The following WAC variants were observed in gnomAD, a reference collection of about 807,000 sequenced individuals.
WAC encodes WW domain containing adaptor with coiled-coil, also known as WW domain-containing adapter protein with coiled-coil.
A neutral mutation model predicts 79.6 loss-of-function variants in WAC; 11 were observed. That is an observed-to-expected ratio of 0.14 (90% CI 0.09 to 0.23). WAC has a LOEUF of 0.23. Ranked by LOEUF, WAC falls within the 10% of genes least tolerant of loss-of-function variation. The pLI is 1.00. For missense variants in WAC, 728 were observed against 773.5 expected (o/e 0.94, Z 0.70); for synonymous variants, 304 against 276.9 (o/e 1.10, Z -0.97).
At chr10:28,536,008 G>A (rs559926617) in intron 3 of WAC, 19 of 238,820 alleles carry the variant, frequency 8.0e-5, no homozygotes, top group Admixed American at 5.6e-4. Context: ...TTGGGAGGCC[G>A]AGGCGGGCAG....
chr10:28,617,840 C>A, intron 13 of WAC, 56 bp downstream of exon 13: 1 of 1,499,868 alleles, frequency 6.7e-7, no homozygotes, highest in South Asian at 1.4e-5. Flanking sequence ...ATTCTTAAAT[C>A]GAACTAAAGA....
intron 9 of WAC, 103 bp from the exon 10 acceptor site, chr10:28,611,671 G>C: frequency 7.0e-7 from 1 of 1,436,650 alleles, no homozygotes; most frequent in Non-Finnish European, 9.4e-7. Flanking sequence ...GGGTGGGGGG[G>C]TTTAGAGTAA....
At chr10:28,611,546 G>C (rs1564418958) in intron 9 of WAC, 2 of 1,364,672 alleles carry the variant, frequency 1.5e-6, no homozygotes, top group South Asian at 2.9e-5. Context: ...ACATAAAGGA[G>C]AGTGGGCCAC....
rs1841721775 is a variant in WAC at position 28,622,335 on chromosome 10, TG to T, written c.*2731del. 1 of 150,060 alleles carries T rather than the reference TG, an allele frequency of 6.7e-6. No individual in the cohort carries two copies. 9.3% of individuals were successfully genotyped at this position (150,060 alleles called of 1,614,324 possible). Reference sequence around the variant, plus strand: ...AGAGTATTCCTTATCTAGTTGGTTATGGATTTGAACATGTACCTTGGTTTAG... The same window carrying T: ...AGAGTATTCCTTATCTAGTTGGTTATGATTTGAACATGTACCTTGGTTTAG... On this transcript the variant is annotated 3_prime_UTR_variant, in exon 14 of 14. Transcript: ENST00000354911.
At chr10:28,607,179 T>C (rs1195630854) in intron 7 of WAC, among the ~76,000 whole-genome samples, 1 of 152,194 alleles carries the variant, frequency 6.6e-6, no homozygotes, top group Admixed American at 6.5e-5. Context: ...TTGTTCTGCT[T>C]TTTGTAACTT....
chr10:28,600,393 C>T (rs977710376), intron 7 of WAC, among the ~76,000 whole-genome samples: 2 of 152,090 alleles, frequency 1.3e-5, no homozygotes, highest in Non-Finnish European at 2.9e-5. Flanking sequence ...AAGCTAGGCT[C>T]TTATAGCTGA....
intron 3 of WAC, chr10:28,538,266 T>A (rs1768812923): frequency 3.5e-6 from 1 of 287,320 alleles, no homozygotes. Flanking sequence ...GCAGGCATTA[T>A]AAACTCCTTT....
chr10:28,582,918 T>C (rs1839613952), intron 3 of WAC, among the ~76,000 whole-genome samples: 1 of 152,180 alleles, frequency 6.6e-6, no homozygotes, highest in South Asian at 2.1e-4. Flanking sequence ...AAGTTGATGC[T>C]GTTTTATTTG....
intron 4 of WAC, 27 bp downstream of exon 4, chr10:28,583,532 G>T (rs2132629802): frequency 7.5e-7 from 1 of 1,337,346 alleles, no homozygotes. Context: ...TGTCCAATAT[G>T]GTTTCTTTGG....
chr10:28,538,166 CATT>C (rs2132324638), intron 3 of WAC: 1 of 159,058 alleles, frequency 6.3e-6, no homozygotes, highest in South Asian at 1.5e-4. Flanking sequence ...GATATTTAGT[CATT>C]ATAATTTGTT....
chr10:28,611,718 T>C (rs949748694), intron 9 of WAC, 56 bp from the exon 10 acceptor site: 18 of 1,587,742 alleles, frequency 1.1e-5, no homozygotes, highest in Non-Finnish European at 1.5e-5. Context: ...CAAAGGACTT[T>C]AGTTTTTTGT....
rs558971186 is a variant in WAC at position 28,563,640 on chromosome 10, C to T, written c.275-19759C>T. Among the ~76,000 whole-genome samples the T allele has an allele frequency of 2.0e-4, 30 of 149,918 alleles. No individual in the cohort carries two copies. In the East Asian group the frequency reaches 3.1e-3, roughly 16 times the overall value. ...TGTCACCCAGGCTGGAGTGCAGTGG[C>T]GCGATCTCCGCTCACTGCAGCCTCC... On this transcript the variant is annotated intron_variant, in intron 3 of 13. Coordinates refer to ENST00000354911, the MANE Select transcript of WAC (RefSeq NM_016628.5).
intron 4 of WAC, 98 bp downstream of exon 4, chr10:28,583,603 CTT>C: frequency 3.8e-6 from 3 of 788,326 alleles, no homozygotes; most frequent in Non-Finnish European, 3.8e-6. Context: ...AATCTAATGT[CTT>C]TTTTTTTAAA....
chr10:28,587,102 G>T (rs542952426), intron 4 of WAC, among the ~76,000 whole-genome samples: 2 of 152,092 alleles, frequency 1.3e-5, no homozygotes, highest in Non-Finnish European at 2.9e-5. Context: ...TCTCGGGGAA[G>T]AACGGAAAGG....
At chr10:28,580,698 T>C (rs1839489851) in intron 3 of WAC, among the ~76,000 whole-genome samples, 1 of 152,234 alleles carries the variant, frequency 6.6e-6, no homozygotes, top group African/African-American at 2.4e-5. Context: ...TTACTAGTTC[T>C]ACTTCTTATA....
chr10:28,589,945 T>G (rs1373516299), intron 5 of WAC, 94 bp downstream of exon 5: 3 of 896,176 alleles, frequency 3.3e-6, no homozygotes, highest in Non-Finnish European at 5.3e-6. Flanking sequence ...TTAGCTTTTT[T>G]ATAGTGCTGC....
chr10:28,581,598 A>G (rs1454877972), intron 3 of WAC, among the ~76,000 whole-genome samples: 3 of 152,066 alleles, frequency 2.0e-5, no homozygotes, highest in Admixed American at 6.5e-5. Flanking sequence ...TCTGTTGCCC[A>G]GGCTGGAGTG....
At chr10:28,606,055 G>GT (rs35927464) in intron 7 of WAC, among the ~76,000 whole-genome samples, 279 of 145,656 alleles carry the variant, frequency 1.9e-3, no homozygotes, top group African/African-American at 5.7e-3. Flanking sequence ...CAGTTTTTTG[G>GT]TTTTTTTTTT....
At chr10:28,608,137 A>G in intron 7 of WAC, 49 bp from the exon 8 acceptor site, 1 of 1,604,662 alleles carries the variant, frequency 6.2e-7, no homozygotes, top group Non-Finnish European at 8.5e-7. Flanking sequence ...TGTTTGTTCC[A>G]ATTTTCTCTA....
Sources: gnomAD v4.1 joint callset for allele counts (sites outside exome capture counted in the v4.1 genomes callset) on GRCh38, gnomAD v4.1.1 for gene constraint, MANE v1.5 for transcripts, NCBI Gene and HGNC (gene_info 2026-07-23, HGNC 2026-07-21) for gene names.